Variants in TULP4 observed in about 807,000 individuals in gnomAD.
The protein encoded by TULP4 is tubby-related protein 4.
In TULP4, 16 loss-of-function variants were observed where a neutral mutation model predicts 129.0. The ratio of observed to expected loss-of-function variants is 0.12; its 90% CI spans 0.08 to 0.19. TULP4 has a LOEUF of 0.19. Ranked by LOEUF, TULP4 falls within the 10% of genes least tolerant of loss-of-function variation. TULP4 has a pLI of 1.00. For missense variants in TULP4, 1,842 were observed against 2,059.1 expected (o/e 0.89, Z 2.04); for synonymous variants, 998 against 854.0 (o/e 1.17, Z -2.94).
At chr6:158,357,983 A>C (rs1780685860) in intron 1 of TULP4, among the ~76,000 whole-genome samples, 1 of 152,148 alleles carries the variant, frequency 6.6e-6, no homozygotes, top group South Asian at 2.1e-4. Flanking sequence ...TTCTGTGAGC[A>C]AAGGATTGTG....
intron 1 of TULP4, 39 bp downstream of exon 1, chr6:158,314,307 G>A (rs754683867): frequency 1.3e-6 from 2 of 1,597,900 alleles, no homozygotes; most frequent in Non-Finnish European, 1.7e-6. Flanking sequence ...GTCACTTCCA[G>A]TGGTGTTTTT....
intron 1 of TULP4, among the ~76,000 whole-genome samples, chr6:158,361,031 C>T (rs532067584): frequency 5.3e-5 from 8 of 151,974 alleles, no homozygotes; most frequent in Non-Finnish European, 1.2e-4. Context: ...AATTTTTTTC[C>T]ATGTATCTTT....
chr6:158,331,822 G>A (rs1333316219), intron 1 of TULP4, among the ~76,000 whole-genome samples: 1 of 141,054 alleles, frequency 7.1e-6, no homozygotes, highest in Non-Finnish European at 1.5e-5. Context: ...AGCAGTCTGG[G>A]TTCAATTAGG....
chr6:158,350,327 C>A (rs139385854), intron 1 of TULP4, among the ~76,000 whole-genome samples: 1 of 150,928 alleles, frequency 6.6e-6, no homozygotes, highest in South Asian at 2.1e-4. Flanking sequence ...GATGGGGTGG[C>A]GGGCGGGCAG....
chr6:158,390,033 T>C (rs1413099302), intron 1 of TULP4, among the ~76,000 whole-genome samples: 1 of 149,032 alleles, frequency 6.7e-6, no homozygotes, highest in African/African-American at 2.5e-5. Flanking sequence ...ATTGCACCAC[T>C]GCACTCCAGC....
At chr6:158,474,954 G>T (rs1469320220) in intron 6 of TULP4, among the ~76,000 whole-genome samples, 2 of 152,212 alleles carry the variant, frequency 1.3e-5, no homozygotes, top group African/African-American at 4.8e-5. Context: ...CAAGGGCAGA[G>T]AATGTATTTG....
At chr6:158,308,853 C>T (rs1779270315), upstream of TULP4, among the ~76,000 whole-genome samples, 1 of 141,780 alleles carries the variant, frequency 7.1e-6, no homozygotes, top group Non-Finnish European at 1.6e-5. Context: ...CGCCCCTTAC[C>T]TCCCGGACGG....
intron 1 of TULP4, among the ~76,000 whole-genome samples, chr6:158,365,920 T>TTTTTTTTTC (rs1780942502): frequency 1.2e-5 from 1 of 85,224 alleles, no homozygotes; most frequent in Non-Finnish European, 2.3e-5. Flanking sequence ...TTTTTTTTTT[T>TTTTTTTTTC]GAGATGGAGT....
intron 1 of TULP4, among the ~76,000 whole-genome samples, chr6:158,409,882 G>T (rs763468604): frequency 1.6e-4 from 24 of 151,922 alleles, no homozygotes; most frequent in Non-Finnish European, 2.6e-4. Context: ...TAGAGGTGGA[G>T]TCTTGCTCTG....
rs1779112182 is a variant in TULP4, at chr6:158,449,100, C to T, written c.648C>T (p.Ser216=). Residue 216 remains serine (S), a synonymous_variant, in exon 4 of 14, where the codon TCC becomes TCT. Transcript: ENST00000367097. ...AGTCAGACGGTGTCCTCGGCATGTC[C>T]TGGAACTACCCGATCTTCCTGGTGG... ...LHESDGVLGM[S]WNYPIFLVED... 1.2e-6 allele frequency: 2 copies of T among 1,614,038 alleles called. No homozygotes were observed. The highest frequency in any genetic ancestry group is 1.7e-6 in the Non-Finnish European group (2 of 1,180,042).
intron 6 of TULP4, among the ~76,000 whole-genome samples, chr6:158,475,409 A>T (rs1286588678): frequency 6.6e-6 from 1 of 152,242 alleles, no homozygotes; most frequent in Non-Finnish European, 1.5e-5. Flanking sequence ...GAACCTCCCT[A>T]TGCAAATTAA....
intron 1 of TULP4, among the ~76,000 whole-genome samples, chr6:158,253,855 C>T (rs768707311): frequency 1.2e-4 from 18 of 151,848 alleles, no homozygotes; most frequent in African/African-American, 4.1e-4. Flanking sequence ...GCCAACATGG[C>T]GAAACTCCGT....
At position 158,489,767 on chromosome 6, in the gene TULP4, G is replaced by A. The variant is rs116336835; in HGVS notation, c.1631+35G>A. The A allele has an allele frequency of 9.1e-5, 146 of 1,612,804 alleles. 1 individual carries two copies. In the African/African-American group the frequency reaches 1.8e-3, roughly 20 times the overall value. On this transcript the variant is annotated intron_variant, in intron 9 of 13. Coordinates refer to ENST00000367097, the MANE Select transcript of TULP4 (RefSeq NM_020245.5). ...GTCTTTGGGGAGATCGTCCTTTCTT[G>A]TGCCTCTGAATATGTGTGTTTGTGC... is the stretch of plus-strand genomic sequence containing the variant.
chr6:158,474,338 C>T (rs959614903), intron 6 of TULP4, among the ~76,000 whole-genome samples: 3 of 152,206 alleles, frequency 2.0e-5, no homozygotes, highest in African/African-American at 7.2e-5. Flanking sequence ...AGCCCAAGGC[C>T]TCCCTCAGTC....
intron 3 of TULP4, 48 bp downstream of exon 3, chr6:158,429,945 G>C (rs1222023920): frequency 6.4e-7 from 1 of 1,558,712 alleles, no homozygotes; most frequent in Non-Finnish European, 8.7e-7. Context: ...AACCATGAGG[G>C]CTGGGAGGGA....
chr6:158,484,449 C>G (rs189107624), intron 8 of TULP4, among the ~76,000 whole-genome samples: 4 of 152,206 alleles, frequency 2.6e-5, no homozygotes, highest in African/African-American at 9.6e-5. Context: ...GCACCTGGCC[C>G]ACACATTTTC....
At chr6:158,287,616 G>A (rs139943465) in intron 1 of TULP4, among the ~76,000 whole-genome samples, 150 of 152,306 alleles carry the variant, frequency 9.8e-4, no homozygotes, top group African/African-American at 3.3e-3. Context: ...AACATTTGCT[G>A]TAGAAGACCA....
At chr6:158,385,782 A>G (rs997892329) in intron 1 of TULP4, among the ~76,000 whole-genome samples, 3 of 144,122 alleles carry the variant, frequency 2.1e-5, no homozygotes, top group Admixed American at 7.1e-5. Context: ...TAGTCTTGCC[A>G]TCAGATATGA....
intron 3 of TULP4, among the ~76,000 whole-genome samples, chr6:158,447,984 G>A (rs1276206176): frequency 1.3e-5 from 2 of 152,224 alleles, no homozygotes; most frequent in Non-Finnish European, 2.9e-5. Flanking sequence ...AATGCAATGT[G>A]ATGCACCTCG....
Sources: allele counts gnomAD v4.1 joint callset (sites outside exome capture counted in the v4.1 genomes callset), GRCh38; gene constraint gnomAD v4.1.1; transcripts MANE v1.5; gene names NCBI Gene and HGNC (gene_info 2026-07-23, HGNC 2026-07-21).